Variants in TAB2 observed in about 807,000 individuals in gnomAD.
TAB2 encodes TGF-beta-activated kinase 1 and MAP3K7-binding protein 2.
Under a neutral mutation model 65.0 loss-of-function variants are expected in TAB2, and 3 were observed. The ratio of observed to expected loss-of-function variants is 0.05; its 90% CI spans 0.02 to 0.12. The LOEUF (loss-of-function observed/expected upper bound fraction) is 0.12. Ranked by LOEUF, TAB2 falls within the 10% of genes least tolerant of loss-of-function variation. The pLI, the probability that TAB2 is intolerant of heterozygous loss-of-function variation, is 1.00. For synonymous variants in TAB2, 298 were observed against 285.1 expected (o/e 1.05, Z -0.46); for missense variants, 623 against 840.3 (o/e 0.74, Z 3.20).
intron 1 of TAB2, among the ~76,000 whole-genome samples, chr6:149,358,865 C>G (rs927641782): frequency 4.6e-5 from 7 of 151,884 alleles, no homozygotes; most frequent in Non-Finnish European, 2.9e-5. Flanking sequence ...TTGCTATTCT[C>G]TTATCCATCT....
rs560492729 is a variant in TAB2 at position 149,303,508 on chromosome 6, A to G, written c.-120-74510A>G. ...TTCACATTATGTATTTATATATATA[A>G]ATATAAACATACATAAATCTATGTA... On this transcript the variant is annotated intron_variant, in intron 1 of 1. Coordinates refer to the TAB2 transcript ENST00000606202. Among the ~76,000 whole-genome samples, 16 of 152,314 alleles carry G rather than the reference A, an allele frequency of 1.1e-4. No individual in the cohort carries two copies. The East Asian group carries it at 2.3e-3, about 22-fold the overall frequency.
rs148036236 is a variant in TAB2 at position 149,379,325 on chromosome 6, C to G, written c.1410C>G (p.Pro470=). The change falls in exon 3 of 7, where the codon CCC becomes CCG. Residue 470 remains proline, a synonymous_variant. Coordinates refer to ENST00000637181, the MANE Select transcript of TAB2 (RefSeq NM_001292034.3). ...ACACTTTCAAAATTACAGTCTCTCC[C>G]AATAAGCCCCCTGCAGTTTCACCAG... ...TKYTFKITVS[P]NKPPAVSPGV... The G allele has an allele frequency of 6.2e-7, 1 of 1,614,212 alleles. No individual in the cohort carries two copies. The highest frequency in any genetic ancestry group is 8.5e-7 in the Non-Finnish European group (1 of 1,180,038).
intron 3 of TAB2, among the ~76,000 whole-genome samples, chr6:149,388,949 G>T (rs980692164): frequency 1.4e-5 from 2 of 142,304 alleles, no homozygotes; most frequent in Admixed American, 7.3e-5. Context: ...AAGAATAACA[G>T]AAATCTTTTT....
chr6:149,232,028 T>C (rs1430184601), intron 1 of TAB2, among the ~76,000 whole-genome samples: 1 of 152,020 alleles, frequency 6.6e-6, no homozygotes, highest in Non-Finnish European at 1.5e-5. Context: ...ACTGACCTGA[T>C]TGTGAGGATC....
At chr6:149,254,883 T>A (rs1777979924) in intron 1 of TAB2, among the ~76,000 whole-genome samples, 1 of 152,164 alleles carries the variant, frequency 6.6e-6, no homozygotes, top group Admixed American at 6.5e-5. Flanking sequence ...CTACACAAAA[T>A]TTTAGCTATA....
intron 1 of TAB2, among the ~76,000 whole-genome samples, chr6:149,226,080 A>G (rs1777268111): frequency 6.6e-6 from 1 of 152,060 alleles, no homozygotes; most frequent in South Asian, 2.1e-4. Flanking sequence ...AAAAGTACAC[A>G]ACAGCCACCA....
In TAB2 at chr6:149,244,942, T is replaced by C. The variant is rs374502298; in HGVS notation, c.-121+26166T>C. 4.6e-5 allele frequency: 7 copies of C among 151,874 alleles called. No individual in the cohort carries two copies. In the South Asian group the frequency reaches 1.2e-3, roughly 27 times the overall value. 9.4% of individuals were successfully genotyped at this position (151,874 alleles called of 1,614,324 possible). ...GCTGCCATCTGTACACAGTTTTAGA[T>C]GTATTAACTCATTTAATTCTCTCAA... On this transcript the variant is annotated intron_variant, in intron 1 of 1. Transcript: ENST00000606202.
At chr6:149,310,151 T>G (rs890770853) in intron 1 of TAB2, among the ~76,000 whole-genome samples, 2 of 152,058 alleles carry the variant, frequency 1.3e-5, no homozygotes, top group African/African-American at 4.8e-5. Context: ...CTGGGCAATA[T>G]GGTGAAACCC....
At chr6:149,326,087 G>A (rs1779607626) in intron 1 of TAB2, among the ~76,000 whole-genome samples, 1 of 152,078 alleles carries the variant, frequency 6.6e-6, no homozygotes, top group African/African-American at 2.4e-5. Context: ...TTGTTAATAA[G>A]TTATCTGTAT....
At chr6:149,403,991 T>G (rs1200212940) in intron 6 of TAB2, among the ~76,000 whole-genome samples, 2 of 151,990 alleles carry the variant, frequency 1.3e-5, no homozygotes, top group African/African-American at 4.8e-5. Context: ...CCAGAGCAAT[T>G]AGACAAGAAA....
In TAB2 at chr6:149,293,909, A is replaced by G. The variant is rs9498299; in HGVS notation, c.-121+75133A>G. 5.8e-3 allele frequency among the ~76,000 whole-genome samples: 887 copies of G among 152,334 alleles called. 12 individuals carry two copies. The highest frequency in any genetic ancestry group is 0.021 in the African/African-American group (853 of 41,570). On this transcript the variant is annotated intron_variant, in intron 1 of 1. Coordinates refer to the TAB2 transcript ENST00000606202. ...ATAATGTTATAAAAAATTTGTTTCA[A>G]TGGTGAAAAGGCAGATAGAGACTAG... is the stretch of plus-strand genomic sequence containing the variant.
chr6:149,252,878 C>T (rs1209742681), intron 1 of TAB2, among the ~76,000 whole-genome samples: 1 of 152,172 alleles, frequency 6.6e-6, no homozygotes, highest in Non-Finnish European at 1.5e-5. Flanking sequence ...TCCACTCTTA[C>T]CATGAGAAGA....
chr6:149,293,013 G>A (rs560025346), intron 1 of TAB2, among the ~76,000 whole-genome samples: 1 of 152,126 alleles, frequency 6.6e-6, no homozygotes, highest in East Asian at 1.9e-4. Flanking sequence ...TGAAATGTTG[G>A]CAAGTTGGGA....
intron 3 of TAB2, among the ~76,000 whole-genome samples, chr6:149,395,139 A>G (rs560299114): frequency 1.3e-5 from 2 of 152,332 alleles, no homozygotes; most frequent in Non-Finnish European, 2.9e-5. Flanking sequence ...ATTTTTTCCT[A>G]TTTTGTTCAT....
At chr6:149,362,867 A>C (rs1780897174) in intron 1 of TAB2, among the ~76,000 whole-genome samples, 1 of 152,152 alleles carries the variant, frequency 6.6e-6, no homozygotes, top group African/African-American at 2.4e-5. Context: ...TCTATAACTT[A>C]AGTACAATAG....
chr6:149,292,012 A>C (rs1778787800), intron 1 of TAB2, among the ~76,000 whole-genome samples: 1 of 152,250 alleles, frequency 6.6e-6, no homozygotes, highest in Non-Finnish European at 1.5e-5. Flanking sequence ...ATGAAGACAG[A>C]TCATAAGAAC....
chr6:149,254,066 GA>G (rs1777943679), intron 1 of TAB2, among the ~76,000 whole-genome samples: 1 of 64,914 alleles, frequency 1.5e-5, no homozygotes, highest in African/African-American at 6.5e-5. Flanking sequence ...AGGGAGGAAG[GA>G]AGGAAGGAAG....
intron 1 of TAB2, among the ~76,000 whole-genome samples, chr6:149,298,602 G>C (rs1055470897): frequency 2.0e-5 from 3 of 152,090 alleles, no homozygotes; most frequent in African/African-American, 7.2e-5. Context: ...GAGAGACCCT[G>C]TCTCAACAAC....
chr6:149,312,364 T>G (rs2114713062), intron 1 of TAB2, among the ~76,000 whole-genome samples: 1 of 152,264 alleles, frequency 6.6e-6, no homozygotes, highest in East Asian at 1.9e-4. Flanking sequence ...TTAATTTTTT[T>G]GTATTTATTT....
Sources: gnomAD v4.1 joint callset for allele counts (sites outside exome capture counted in the v4.1 genomes callset) on GRCh38, gnomAD v4.1.1 for gene constraint, MANE v1.5 for transcripts, NCBI Gene and HGNC (gene_info 2026-07-23, HGNC 2026-07-21) for gene names.